NRAP: variants seen among roughly 807,000 people sequenced by gnomAD.
NRAP encodes nebulin-related-anchoring protein.
A neutral mutation model predicts 225.9 loss-of-function variants in NRAP; 189 were observed. The observed-to-expected ratio is 0.84, with a 90% CI of 0.74 to 0.94. NRAP has a LOEUF of 0.94. NRAP is among the 40% of genes least tolerant of loss of function. NRAP has a pLI of 0.00. For synonymous variants in NRAP, 769 were observed against 790.7 expected (o/e 0.97, Z 0.46); for missense variants, 2,176 against 2,168.7 (o/e 1.00, Z -0.07).
intron 25 of NRAP, among the ~76,000 whole-genome samples, chr10:113,618,691 A>G (rs188461017): frequency 6.6e-6 from 1 of 152,362 alleles, no homozygotes; most frequent in East Asian, 1.9e-4. Flanking sequence ...TCACGCCTGT[A>G]GCCCAGCACT....
chr10:113,634,755 A>G (rs1848766374), intron 14 of NRAP, among the ~76,000 whole-genome samples: 2 of 152,212 alleles, frequency 1.3e-5, no homozygotes, highest in Non-Finnish European at 2.9e-5. Context: ...AAAGCAGTAT[A>G]TCCACACATA....
At chr10:113,630,423 T>C (rs56273432) in intron 18 of NRAP, among the ~76,000 whole-genome samples, 44,421 of 151,922 alleles carry the variant, frequency 0.29, 6,670 homozygotes, top group Middle Eastern at 0.4. Context: ...GTGATGGTAA[T>C]TATGGTGTGG....
Position 113,654,122 on chromosome 10 carries a change from C to T in NRAP, c.364G>A (p.Ala122Thr), listed in dbSNP as rs1356878804. 2 of 1,603,490 alleles carry T rather than the reference C, an allele frequency of 1.2e-6. No homozygotes were observed. Among genetic ancestry groups the T allele is most frequent in the East Asian group, 2.2e-5 (1 of 44,834 alleles). Residue 122 changes from alanine (A) to threonine (T), a missense_variant, in exon 5 of 42, where the codon GCC becomes ACC. Physicochemically the swap from Ala to Thr is moderately conservative, Grantham distance 58. This residue lies in a region of NRAP where 1,708 missense variants were observed against 1,695.5 expected (regional missense o/e 1.01). Coordinates refer to ENST00000359988, the MANE Select transcript of NRAP (RefSeq NM_198060.4). ...CCTTCCCCATATCCAGTCCAATAGG[C>T]TCTCTACAAAGGAAGCACATGAAGG... ...PNRQPLANERAYWTGYGEGNA... is the reference protein window; with the variant it reads ...PNRQPLANERTYWTGYGEGNA...
chr10:113,615,040 G>T, intron 27 of NRAP, 94 bp from the exon 28 acceptor site: 1 of 780,626 alleles, frequency 1.3e-6, no homozygotes, highest in Non-Finnish European at 2.3e-6. Flanking sequence ...TTTGTGGTGG[G>T]TCCCCTCCCT....
rs1846924256 is a variant in NRAP, at chr10:113,605,821, G to T, written c.3856C>A (p.Leu1286Met). ...TGGAAGGGGAGCGCTTCTATTGTCA[G>T]CTTGTAGCCTTGAGCACGAAGATTA... ...WRNLRAQGYK[L>M]TIEALPFQAA... The change falls in exon 34 of 42, where the codon CTG (leucine) becomes ATG (methionine). Residue 1286 changes from leucine (L) to methionine (M), a missense_variant. Physicochemically the swap from Leu to Met is conservative, Grantham distance 15. Around this residue, in one of 3 missense-constraint regions of NRAP, gnomAD observed 1,708 missense variants for 1,695.5 expected, o/e 1.01. Coordinates refer to ENST00000359988, the MANE Select transcript of NRAP (RefSeq NM_198060.4). 6.2e-7 allele frequency: 1 copy of T among 1,614,032 alleles called. No homozygotes were observed. The highest frequency in any genetic ancestry group is 1.1e-5 in the South Asian group (1 of 91,084).
chr10:113,605,993 T>C, intron 33 of NRAP, 124 bp from the exon 34 acceptor site: 1 of 820,880 alleles, frequency 1.2e-6, no homozygotes, highest in Non-Finnish European at 2.1e-6. Flanking sequence ...CAAATCTCAT[T>C]AGTACACACC....
chr10:113,632,258 T>C (rs1337095511), intron 16 of NRAP, among the ~76,000 whole-genome samples: 1 of 152,222 alleles, frequency 6.6e-6, no homozygotes, highest in Non-Finnish European at 1.5e-5. Context: ...CTCAATCTCC[T>C]ATTTGCAAAG....
chr10:113,657,628 A>G (rs888782067), intron 3 of NRAP, 54 bp from the exon 4 acceptor site: 39 of 1,043,562 alleles, frequency 3.7e-5, no homozygotes, highest in Admixed American at 1.9e-5. Context: ...AGAAAAAAAC[A>G]TAGACAAACA....
intron 20 of NRAP, among the ~76,000 whole-genome samples, chr10:113,627,771 C>T (rs1284135829): frequency 1.3e-5 from 2 of 152,228 alleles, no homozygotes; most frequent in Non-Finnish European, 2.9e-5. Flanking sequence ...CTTCTACTTA[C>T]TTAAAGTGTA....
intron 4 of NRAP, among the ~76,000 whole-genome samples, chr10:113,655,794 C>T (rs10787494): frequency 0.32 from 49,224 of 151,974 alleles, 8,597 homozygotes; most frequent in African/African-American, 0.47. Context: ...CACCCATTCA[C>T]GATAGCTTAA....
chr10:113,631,642 G>A (rs1411794486), intron 17 of NRAP, 32 bp from the exon 18 acceptor site: 6 of 1,437,944 alleles, frequency 4.2e-6, no homozygotes, highest in Non-Finnish European at 4.9e-6. Context: ...TACTGTGAGT[G>A]AGAGAGAAAC....
In NRAP at chr10:113,610,501, T is replaced by C. The variant is rs2133924594; in HGVS notation, c.3561A>G (p.Leu1187=). ...RGVACVIPGT[L]EIEGRKKASE... ...ATGCTTTCTTCCTCCCTTCAATCTC[T>C]AACGTGCCTGGAATGACACATGCAA... Residue 1187 remains leucine, a synonymous_variant, in exon 31 of 42, where the codon TTA becomes TTG. Transcript: ENST00000359988. 6.2e-7 allele frequency: 1 copy of C among 1,603,980 alleles called. No individual in the cohort carries two copies. The highest frequency in any genetic ancestry group is 8.5e-7 in the Non-Finnish European group (1 of 1,170,678).
chr10:113,594,085 C>A (rs550983583), intron 38 of NRAP, among the ~76,000 whole-genome samples: 1 of 152,154 alleles, frequency 6.6e-6, no homozygotes, highest in African/African-American at 2.4e-5. Context: ...ATTCCGTAGG[C>A]GCTTTGATTT....
intron 4 of NRAP, among the ~76,000 whole-genome samples, 199 bp from the exon 5 acceptor site, chr10:113,654,324 A>T (rs1850168152): frequency 6.6e-6 from 1 of 152,232 alleles, no homozygotes; most frequent in African/African-American, 2.4e-5. Flanking sequence ...TCTGAGAACC[A>T]CTTATGTTAC....
intron 37 of NRAP, among the ~76,000 whole-genome samples, chr10:113,595,945 T>G (rs531254309): frequency 5.4e-4 from 82 of 152,318 alleles, no homozygotes; most frequent in Non-Finnish European, 9.8e-4. Context: ...TTAAATAGAC[T>G]GTTAAAAATA....
chr10:113,630,625 C>A (rs1439454681), intron 18 of NRAP, among the ~76,000 whole-genome samples: 2 of 152,144 alleles, frequency 1.3e-5, no homozygotes, highest in Non-Finnish European at 2.9e-5. Context: ...GTCTTTTTGA[C>A]CCCCAGCTGC....
intron 39 of NRAP, among the ~76,000 whole-genome samples, 169 bp from the exon 40 acceptor site, chr10:113,591,058 A>C (rs1243383895): frequency 6.6e-6 from 1 of 152,060 alleles, no homozygotes. Flanking sequence ...CCTGTTACTG[A>C]GTTTCTCCAT....
intron 9 of NRAP, among the ~76,000 whole-genome samples, chr10:113,649,683 T>C (rs1031168388): frequency 2.0e-5 from 3 of 152,256 alleles, no homozygotes; most frequent in Non-Finnish European, 4.4e-5. Flanking sequence ...AGATGCATTT[T>C]GATCTCTATG....
At chr10:113,604,581 G>C in intron 35 of NRAP, 28 bp downstream of exon 35, 1 of 1,595,536 alleles carries the variant, frequency 6.3e-7, no homozygotes, top group Non-Finnish European at 8.6e-7. Flanking sequence ...GCTGGGGGCT[G>C]GTTTGCATTC....
Sources: allele counts gnomAD v4.1 joint callset (sites outside exome capture counted in the v4.1 genomes callset), GRCh38; gene constraint gnomAD v4.1.1; regional missense constraint gnomAD v4.1.1; transcripts MANE v1.5; gene names NCBI Gene and HGNC (gene_info 2026-07-23, HGNC 2026-07-21).